The following RIMS2 variants were observed in gnomAD, a reference collection of about 807,000 sequenced individuals.
RIMS2 encodes regulating synaptic membrane exocytosis protein 2.
A neutral mutation model predicts 174.4 loss-of-function variants in RIMS2; 59 were observed. The observed-to-expected ratio is 0.34, with a 90% CI of 0.27 to 0.42. The LOEUF is 0.42. Ranked by LOEUF, RIMS2 falls within the 10% of genes least tolerant of loss-of-function variation. RIMS2 has a pLI of 1.00. For missense variants in RIMS2, 1,620 were observed against 1,666.3 expected (o/e 0.97, Z 0.48); for synonymous variants, 606 against 572.5 (o/e 1.06, Z -0.84).
intron 19 of RIMS2, among the ~76,000 whole-genome samples, chr8:104,138,996 T>A (rs2098544883): frequency 6.6e-6 from 1 of 152,184 alleles, no homozygotes; most frequent in African/African-American, 2.4e-5. Flanking sequence ...GATGTCTTGT[T>A]TTCCAGCACC....
chr8:103,823,468 C>T (rs1252032656), intron 3 of RIMS2, among the ~76,000 whole-genome samples: 1 of 151,758 alleles, frequency 6.6e-6, no homozygotes, highest in East Asian at 1.9e-4. Context: ...AATTACAGGG[C>T]TACTCTAATT....
intron 2 of RIMS2, among the ~76,000 whole-genome samples, chr8:103,749,110 ATT>A (rs11391244): frequency 7.2e-6 from 1 of 138,126 alleles, no homozygotes; most frequent in East Asian, 2.1e-4. Flanking sequence ...TATGCTTTCT[ATT>A]TTTTTTTTTT....
At chr8:103,522,580 CCCATTTGATACCTTTCTTTTTA>C (rs1832239304) in intron 1 of RIMS2, among the ~76,000 whole-genome samples, 1 of 152,090 alleles carries the variant, frequency 6.6e-6, no homozygotes, top group Admixed American at 6.6e-5. Flanking sequence ...TTGTCATTTT[CCCATTTGATACCTTTCTTTTTA>C]CCACTTACAA....
intron 1 of RIMS2, among the ~76,000 whole-genome samples, chr8:103,620,681 T>C: frequency 1.9e-5 from 1 of 53,214 alleles, no homozygotes; most frequent in Non-Finnish European, 3.3e-5. Context: ...CATGTGATCA[T>C]CAGGAACTTT....
At chr8:103,620,089 T>C (rs748104680) in intron 1 of RIMS2, among the ~76,000 whole-genome samples, 2 of 152,180 alleles carry the variant, frequency 1.3e-5, no homozygotes, top group African/African-American at 2.4e-5. Context: ...ACTATACTTA[T>C]GAATAATAAG....
chr8:103,982,246 C>A (rs1161252202), intron 16 of RIMS2, among the ~76,000 whole-genome samples: 2 of 151,958 alleles, frequency 1.3e-5, no homozygotes, highest in African/African-American at 4.8e-5. Flanking sequence ...AGATCAAAGC[C>A]ATAATGAACA....
At chr8:103,972,161 C>T (rs749522486) in intron 15 of RIMS2, among the ~76,000 whole-genome samples, 7 of 152,048 alleles carry the variant, frequency 4.6e-5, no homozygotes, top group Non-Finnish European at 8.8e-5. Context: ...TTACTGCCCA[C>T]CTGACATCTT....
intron 3 of RIMS2, among the ~76,000 whole-genome samples, chr8:103,846,169 T>G (rs975961297): frequency 1.3e-5 from 2 of 152,156 alleles, no homozygotes; most frequent in African/African-American, 4.8e-5. Context: ...TAATGAATAT[T>G]AATCTTGAAG....
At chr8:103,558,882 G>A (rs1410645356) in intron 1 of RIMS2, among the ~76,000 whole-genome samples, 2 of 151,966 alleles carry the variant, frequency 1.3e-5, no homozygotes, top group African/African-American at 2.4e-5. Context: ...AGGGCCTTTA[G>A]TTCTTTTTCC....
intron 19 of RIMS2, among the ~76,000 whole-genome samples, chr8:104,054,065 C>T (rs1193248888): frequency 6.6e-6 from 1 of 152,062 alleles, no homozygotes; most frequent in African/African-American, 2.4e-5. Context: ...GTTACTGGAG[C>T]CAACATTACA....
intron 3 of RIMS2, among the ~76,000 whole-genome samples, chr8:103,786,716 G>A (rs1293239864): frequency 2.0e-5 from 3 of 152,228 alleles, no homozygotes; most frequent in Admixed American, 6.5e-5. Flanking sequence ...TGGAATAGCT[G>A]TGGTGTGGTT....
chr8:103,948,188 C>G (rs924304032), intron 14 of RIMS2, among the ~76,000 whole-genome samples: 2 of 152,142 alleles, frequency 1.3e-5, no homozygotes, highest in Non-Finnish European at 2.9e-5. Context: ...AAGATGATAA[C>G]AAATTTTTGC....
intron 1 of RIMS2, among the ~76,000 whole-genome samples, chr8:103,682,693 C>T (rs1309479728): frequency 6.6e-6 from 1 of 151,954 alleles, no homozygotes; most frequent in African/African-American, 2.4e-5. Context: ...ATTTTATAGG[C>T]CTGGTAGGAT....
chr8:103,717,138 C>CTTTTTTTTTTT (rs11373218), intron 2 of RIMS2, among the ~76,000 whole-genome samples: 9 of 113,102 alleles, frequency 8.0e-5, no homozygotes, highest in Non-Finnish European at 1.4e-4. Context: ...ATAGTGCCTT[C>CTTTTTTTTTTT]TTTTTTTTTT....
At chr8:103,902,603 A>T (rs2073401076) in intron 4 of RIMS2, among the ~76,000 whole-genome samples, 1 of 152,036 alleles carries the variant, frequency 6.6e-6, no homozygotes, top group African/African-American at 2.4e-5. Context: ...TTACTAGAAC[A>T]TTTTCTTTGG....
intron 2 of RIMS2, among the ~76,000 whole-genome samples, chr8:103,758,726 T>C (rs1219510513): frequency 6.6e-6 from 1 of 152,218 alleles, no homozygotes; most frequent in Non-Finnish European, 1.5e-5. Flanking sequence ...GAAACAACAG[T>C]CTTTCTATTG....
At chr8:104,090,895 ATAT>A (rs2097643476) in intron 19 of RIMS2, among the ~76,000 whole-genome samples, 1 of 151,854 alleles carries the variant, frequency 6.6e-6, no homozygotes, top group South Asian at 2.1e-4. Flanking sequence ...TTTCTAGCTA[ATAT>A]TATTTAGCTA....
chr8:104,114,137 T>A (rs190811140), intron 19 of RIMS2, among the ~76,000 whole-genome samples: 1 of 152,182 alleles, frequency 6.6e-6, no homozygotes, highest in East Asian at 1.9e-4. Flanking sequence ...TGAAAAGTAA[T>A]TTTCATGTTC....
At chr8:103,639,084 AC>A (rs2096163201) in intron 1 of RIMS2, among the ~76,000 whole-genome samples, 1 of 151,998 alleles carries the variant, frequency 6.6e-6, no homozygotes, top group Non-Finnish European at 1.5e-5. Context: ...GAATAGTTTC[AC>A]AAATGCTAAC....
Sources: allele counts gnomAD v4.1 joint callset (sites outside exome capture counted in the v4.1 genomes callset), GRCh38; gene constraint gnomAD v4.1.1; transcripts MANE v1.5; gene names NCBI Gene and HGNC (gene_info 2026-07-23, HGNC 2026-07-21).